NTRK2: variants seen among roughly 807,000 people sequenced by gnomAD.
NTRK2 encodes neurotrophic receptor tyrosine kinase 2, also known as BDNF/NT-3 growth factors receptor.
A neutral mutation model predicts 94.5 loss-of-function variants in NTRK2; 13 were observed. The observed-to-expected ratio is 0.14, with a 90% CI of 0.09 to 0.22. The LOEUF (loss-of-function observed/expected upper bound fraction) is 0.22, where lower values mean the gene tolerates loss of function less well. Ranked by LOEUF, NTRK2 falls within the 10% of genes least tolerant of loss-of-function variation. The pLI is 1.00. For missense variants in NTRK2, 639 were observed against 1,071.2 expected, an observed-to-expected ratio of 0.60 and a Z score of 5.63; for synonymous variants, 372 against 407.4, an observed-to-expected ratio of 0.91 and a Z score of 1.05.
chr9:84,818,111 A>C (rs2133659171), intron 12 of NTRK2, among the ~76,000 whole-genome samples: 1 of 152,328 alleles, frequency 6.6e-6, no homozygotes, highest in Non-Finnish European at 1.5e-5. Flanking sequence ...CAACAACCTT[A>C]TGAGGCCAAA....
chr9:84,884,790 A>T (rs2076364566), intron 14 of NTRK2, among the ~76,000 whole-genome samples: 1 of 152,242 alleles, frequency 6.6e-6, no homozygotes, highest in South Asian at 2.1e-4. Context: ...GGCACTATTT[A>T]TCACAGATGC....
At chr9:84,742,470 A>G (rs1204936520) in intron 10 of NTRK2, among the ~76,000 whole-genome samples, 1 of 152,148 alleles carries the variant, frequency 6.6e-6, no homozygotes, top group Admixed American at 6.5e-5. Context: ...TTGTGGTTAC[A>G]AGAGAATGTG....
chr9:84,979,706 T>C (rs1052659095), intron 17 of NTRK2, among the ~76,000 whole-genome samples: 1 of 152,224 alleles, frequency 6.6e-6, no homozygotes, highest in Non-Finnish European at 1.5e-5. Context: ...AGAAATCTTT[T>C]GTGAAAGGAA....
At chr9:84,706,527 G>GTTTTTTTT (rs71369141) in intron 4 of NTRK2, among the ~76,000 whole-genome samples, 23 of 81,680 alleles carry the variant, frequency 2.8e-4, no homozygotes, top group Non-Finnish European at 3.6e-4. Flanking sequence ...TTTTGTTTTT[G>GTTTTTTTT]TTTTTTTTTT....
At chr9:84,998,858 C>T (rs2133385449) in intron 17 of NTRK2, among the ~76,000 whole-genome samples, 1 of 152,334 alleles carries the variant, frequency 6.6e-6, no homozygotes. Flanking sequence ...AGTCCAGGCT[C>T]AGATGATGTC....
chr9:84,813,708 G>A, intron 12 of NTRK2: 13 of 1,066,130 alleles, frequency 1.2e-5, no homozygotes, highest in Non-Finnish European at 1.3e-5. Context: ...ACTCCCGTGT[G>A]GCCAGAGACA....
chr9:84,897,045 A>G (rs991630687), intron 14 of NTRK2, among the ~76,000 whole-genome samples: 11 of 152,206 alleles, frequency 7.2e-5, no homozygotes, highest in African/African-American at 2.7e-4. Flanking sequence ...CATATGAGGC[A>G]ACCAAAGCCC....
At chr9:84,714,852 T>A (rs1264546505) in intron 6 of NTRK2, among the ~76,000 whole-genome samples, 1 of 152,228 alleles carries the variant, frequency 6.6e-6, no homozygotes, top group African/African-American at 2.4e-5. Flanking sequence ...TAGCTAACTC[T>A]GAATCAGTGA....
intron 14 of NTRK2, among the ~76,000 whole-genome samples, chr9:84,929,682 C>T (rs1008710724): frequency 6.6e-6 from 1 of 151,992 alleles, no homozygotes; most frequent in African/African-American, 2.4e-5. Context: ...CTGCCTCAGT[C>T]TCCCGGGTAG....
chr9:84,980,434 C>A (rs970532344), intron 17 of NTRK2, among the ~76,000 whole-genome samples: 2 of 152,130 alleles, frequency 1.3e-5, no homozygotes, highest in Admixed American at 6.6e-5. Flanking sequence ...GACTTTTGAG[C>A]AATATTATAT....
intron 9 of NTRK2, among the ~76,000 whole-genome samples, chr9:84,736,754 A>T (rs1481161236): frequency 6.6e-6 from 1 of 152,206 alleles, no homozygotes; most frequent in Non-Finnish European, 1.5e-5. Flanking sequence ...GAATTGCCAG[A>T]GCCAATGCTA....
chr9:84,812,448 G>A lies in NTRK2; in HGVS notation c.1397-48592G>A, dbSNP rs1040786852. Reference sequence around the variant, plus strand: ...AATGTAAGGGCAGCTGGCCCCCAATGTGGGGAGGTCCGAACATTTTCTGAA... The same window carrying A: ...AATGTAAGGGCAGCTGGCCCCCAATATGGGGAGGTCCGAACATTTTCTGAA... On this transcript the variant is annotated intron_variant, in intron 12 of 18. Coordinates refer to ENST00000277120, the MANE Select transcript of NTRK2 (RefSeq NM_006180.6). 2.4e-5 allele frequency: 25 copies of A among 1,053,852 alleles called. No individual in the cohort carries two copies. The African/African-American group carries it at 3.5e-4, about 15-fold the overall frequency. The allele number at this position is 1,053,852 out of a possible 1,614,324, so 65.3% of individuals were successfully genotyped here.
In NTRK2 at chr9:84,955,326, C is replaced by G. The variant is rs2132973141; in HGVS notation, c.1981C>G (p.Pro661Ala). The change falls in exon 17 of 19, where the codon CCC (proline) becomes GCC (alanine). Residue 661 changes from proline to alanine, a missense_variant. Pro to Ala is a conservative substitution (Grantham distance 27). Coordinates refer to ENST00000277120, the MANE Select transcript of NTRK2 (RefSeq NM_006180.6). ...DAVLMAEGNP[P>A]TELTQSQMLH... Reference sequence around the variant, plus strand: ...CGTGCTGATGGCTGAGGGCAACCCGCCCACGGAACTGACGCAGTCGCAGAT... The same window carrying G: ...CGTGCTGATGGCTGAGGGCAACCCGGCCACGGAACTGACGCAGTCGCAGAT... 1.9e-6 allele frequency: 3 copies of G among 1,611,004 alleles called. No homozygotes were observed. The highest frequency in any genetic ancestry group is 2.5e-6 in the Non-Finnish European group (3 of 1,178,614).
intron 4 of NTRK2, among the ~76,000 whole-genome samples, chr9:84,706,524 TTTG>T (rs1409363409): frequency 3.6e-5 from 4 of 110,120 alleles, no homozygotes; most frequent in Admixed American, 9.4e-5. Context: ...ATTTTTTGTT[TTTG>T]TTTTTTTTTT....
chr9:84,736,315 G>T (rs961136236), intron 9 of NTRK2, among the ~76,000 whole-genome samples: 1 of 152,192 alleles, frequency 6.6e-6, no homozygotes, highest in African/African-American at 2.4e-5. Context: ...ATGCGCGTCA[G>T]GAACAAACTA....
Position 84,931,716 on chromosome 9 carries a change from C to CAAAAAAA in NTRK2, c.1634-2438_1634-2432dup, listed in dbSNP as rs11395381. 7.3e-3 allele frequency among the ~76,000 whole-genome samples: 731 copies of CAAAAAAA among 99,844 alleles called. 10 individuals are homozygous for CAAAAAAA. Among genetic ancestry groups the CAAAAAAA allele is most frequent in the African/African-American group, 0.011 (354 of 30,874 alleles). 65.5% of individuals were successfully genotyped at this position (99,844 alleles called of 152,430 possible). On this transcript the variant is annotated intron_variant, in intron 14 of 18. Transcript: ENST00000277120. ...AAGAAAGAAGGTATGTAATAAAATG[C>CAAAAAAA]AAAAAAAAAAAAAACAAAAAAAACC...
intron 12 of NTRK2, among the ~76,000 whole-genome samples, chr9:84,776,123 A>G (rs2067009263): frequency 6.6e-6 from 1 of 151,934 alleles, no homozygotes; most frequent in Non-Finnish European, 1.5e-5. Context: ...CTGTCTATCT[A>G]TCCAACTAGA....
At chr9:84,796,203 TC>T (rs1381242385) in intron 12 of NTRK2, among the ~76,000 whole-genome samples, 1 of 152,214 alleles carries the variant, frequency 6.6e-6, no homozygotes, top group African/African-American at 2.4e-5. Context: ...TCTGGCTCTT[TC>T]CACCTTTCAT....
intron 12 of NTRK2, among the ~76,000 whole-genome samples, chr9:84,840,496 C>A (rs1295364621): frequency 6.6e-6 from 1 of 152,176 alleles, no homozygotes; most frequent in East Asian, 1.9e-4. Context: ...CCGCCCTCCC[C>A]ATGTGCACTG....
Sources: allele counts gnomAD v4.1 joint callset (sites outside exome capture counted in the v4.1 genomes callset), GRCh38; gene constraint gnomAD v4.1.1; transcripts MANE v1.5; gene names NCBI Gene and HGNC (gene_info 2026-07-23, HGNC 2026-07-21).